Variants in MYOF observed in about 807,000 individuals in gnomAD.
The protein encoded by MYOF is fer-1-like 3, myoferlin.
A neutral mutation model predicts 284.2 loss-of-function variants in MYOF; 244 were observed. The observed-to-expected ratio is 0.86, with a 90% confidence interval of 0.77 to 0.95. The LOEUF is 0.95. MYOF is among the 40% of genes least tolerant of loss of function. The pLI is 0.00. For missense variants in MYOF, 2,496 were observed against 2,560.6 expected (o/e 0.97, Z 0.54); for synonymous variants, 904 against 919.7 (o/e 0.98, Z 0.31).
chr10:93,411,802 A>G (rs914754831), intron 5 of MYOF, among the ~76,000 whole-genome samples: 8 of 152,196 alleles, frequency 5.3e-5, no homozygotes, highest in Non-Finnish European at 1.0e-4. Flanking sequence ...CTCTTTGCCA[A>G]GCTCCGTGCC....
At position 93,378,693 on chromosome 10, in the gene MYOF, G is replaced by GTGTGTGTATATATATATATATATATATA; in HGVS notation, c.2001+1169_2001+1170insTATATATATATATATATATATACACACA. Among the ~76,000 whole-genome samples the GTGTGTGTATATATATATATATATATATA allele has an allele frequency of 1.9e-3, 169 of 87,770 alleles. 7 individuals are homozygous for GTGTGTGTATATATATATATATATATATA. The highest frequency in any genetic ancestry group is 0.011 in the East Asian group (13 of 1,226). The allele number at this position is 87,770 out of a possible 152,430, so 57.6% of individuals were successfully genotyped here. A position where few individuals can be genotyped will look rare whatever the true frequency, so the allele number is the denominator to read the frequency against. ...TATGTGTGTGTGTATGTGTGTGTGTGTATATATATATATATATATATATGT... is the reference window on the plus strand; with the variant it reads ...TATGTGTGTGTGTATGTGTGTGTGTGTGTGTGTATATATATATATATATATATATATATATATATATATATATATATGT... On this transcript the variant is annotated intron_variant, in intron 21 of 53. Coordinates refer to ENST00000359263, the MANE Select transcript of MYOF (RefSeq NM_013451.4).
At chr10:93,360,088 T>C in intron 28 of MYOF, 110 bp from the exon 29 acceptor site, 1 of 1,305,612 alleles carries the variant, frequency 7.7e-7, no homozygotes, top group Non-Finnish European at 1.1e-6. Flanking sequence ...TGTTCTGTAC[T>C]ATCATGACCG....
At chr10:93,448,054 G>A (rs538389533) in intron 3 of MYOF, among the ~76,000 whole-genome samples, 1 of 152,166 alleles carries the variant, frequency 6.6e-6, no homozygotes, top group South Asian at 2.1e-4. Flanking sequence ...ATATATTGTG[G>A]TTTCTCTGAC....
intron 41 of MYOF, among the ~76,000 whole-genome samples, chr10:93,334,238 A>G (rs2133819670): frequency 6.6e-6 from 1 of 152,206 alleles, no homozygotes; most frequent in East Asian, 1.9e-4. Flanking sequence ...AATAACAATA[A>G]TTACATTTTA....
chr10:93,395,777 A>C (rs2134062520), intron 16 of MYOF, among the ~76,000 whole-genome samples: 1 of 151,852 alleles, frequency 6.6e-6, no homozygotes, highest in Admixed American at 6.6e-5. Context: ...GGTCAATGCC[A>C]CTCTAAAAAA....
chr10:93,313,322 G>C, intron 50 of MYOF, 112 bp from the exon 51 acceptor site: 1 of 1,013,126 alleles, frequency 9.9e-7, no homozygotes, highest in Non-Finnish European at 1.4e-6. Flanking sequence ...TTTTGAACAG[G>C]TAAATGGTGA....
At position 93,397,229 on chromosome 10, in the gene MYOF, T is replaced by C. The variant is rs1847060562; in HGVS notation, c.1334+18A>G. ...TTTATTTTATGTTGAATTAGACACATACGTATTTTCAACTCACCAGTCATA... is the reference window on the plus strand; with the variant it reads ...TTTATTTTATGTTGAATTAGACACACACGTATTTTCAACTCACCAGTCATA... On this transcript the variant is annotated intron_variant, in intron 15 of 53. Coordinates refer to ENST00000359263, the MANE Select transcript of MYOF (RefSeq NM_013451.4). 1 of 1,546,200 alleles carries C rather than the reference T, an allele frequency of 6.5e-7. No individual in the cohort carries two copies. Among genetic ancestry groups the C allele is most frequent in the Non-Finnish European group, 8.9e-7 (1 of 1,123,920 alleles).
intron 21 of MYOF, among the ~76,000 whole-genome samples, chr10:93,378,691 G>GTATATATATATA (rs1375868034): frequency 2.6e-4 from 11 of 42,260 alleles, no homozygotes; most frequent in African/African-American, 8.4e-4. Flanking sequence ...ATGTGTGTGT[G>GTATATATATATA]TGTATATATA....
chr10:93,341,263 G>C lies in MYOF; in HGVS notation c.4327-1099C>G, dbSNP rs1046330176. Among the ~76,000 whole-genome samples the C allele has an allele frequency of 2.7e-5, 4 of 149,766 alleles. No homozygotes were observed. The Admixed American group carries it at 2.7e-4, about 10-fold the overall frequency. ...TCAAACCATTTCAAGGAAAATAATAGTTCATGATTTAAAAGGCTTTTTTTT... is the reference window on the plus strand; with the variant it reads ...TCAAACCATTTCAAGGAAAATAATACTTCATGATTTAAAAGGCTTTTTTTT... On this transcript the variant is annotated intron_variant, in intron 38 of 53. Coordinates refer to ENST00000359263, the MANE Select transcript of MYOF (RefSeq NM_013451.4).
intron 53 of MYOF, among the ~76,000 whole-genome samples, chr10:93,307,466 A>G (rs897818717): frequency 1.3e-5 from 2 of 151,548 alleles, no homozygotes; most frequent in Admixed American, 1.3e-4. Context: ...ATGCCCAGCT[A>G]ATTTTTTATA....
At chr10:93,355,185 AGGAT>A (rs1182855358) in intron 31 of MYOF, among the ~76,000 whole-genome samples, 1 of 152,248 alleles carries the variant, frequency 6.6e-6, no homozygotes, top group Non-Finnish European at 1.5e-5. Context: ...CCTTTCATCA[AGGAT>A]GAAAATGAAA....
intron 52 of MYOF, 121 bp from the exon 53 acceptor site, chr10:93,310,288 T>TCC: frequency 7.8e-7 from 1 of 1,274,288 alleles, no homozygotes; most frequent in Non-Finnish European, 1.1e-6. Context: ...AAAATACTGT[T>TCC]CCCCTTCGTT....
At chr10:93,407,516 G>A (rs1172081260) in intron 7 of MYOF, among the ~76,000 whole-genome samples, 1 of 149,152 alleles carries the variant, frequency 6.7e-6, no homozygotes, top group Non-Finnish European at 1.5e-5. Flanking sequence ...GGATGACGAG[G>A]TCAAGAGATC....
intron 3 of MYOF, among the ~76,000 whole-genome samples, chr10:93,433,657 G>A (rs965327633): frequency 1.3e-5 from 2 of 152,142 alleles, no homozygotes; most frequent in Non-Finnish European, 2.9e-5. Context: ...GTAACTCTGG[G>A]CTTTTGGGCA....
intron 1 of MYOF, among the ~76,000 whole-genome samples, chr10:93,468,013 T>C (rs2057052095): frequency 1.3e-5 from 2 of 152,200 alleles, no homozygotes; most frequent in Non-Finnish European, 2.9e-5. Context: ...TGCCCAGGAA[T>C]AATTCCTACC....
At position 93,333,202 on chromosome 10, in the gene MYOF, A is replaced by G. The variant is rs1325667571; in HGVS notation, c.4811+19T>C. Reference sequence around the variant, plus strand: ...GTGGAGAAATGAAGGCCAGAAAAACATTTAAGAATGTATATTACCTGCCAA... The same window carrying G: ...GTGGAGAAATGAAGGCCAGAAAAACGTTTAAGAATGTATATTACCTGCCAA... On this transcript the variant is annotated intron_variant, in intron 43 of 53. Coordinates refer to ENST00000359263, the MANE Select transcript of MYOF (RefSeq NM_013451.4). 6.2e-7 allele frequency: 1 copy of G among 1,602,566 alleles called. No homozygotes were observed. The highest frequency in any genetic ancestry group is 1.7e-5 in the Admixed American group (1 of 60,020).
intron 31 of MYOF, among the ~76,000 whole-genome samples, 153 bp downstream of exon 31, chr10:93,355,475 A>G (rs1844752890): frequency 6.6e-6 from 1 of 152,222 alleles, no homozygotes; most frequent in Admixed American, 6.5e-5. Flanking sequence ...AGTCCCAGCT[A>G]CTCAGGAGGC....
intron 17 of MYOF, among the ~76,000 whole-genome samples, chr10:93,390,060 G>C (rs528368514): frequency 2.6e-5 from 4 of 152,166 alleles, no homozygotes; most frequent in Admixed American, 2.6e-4. Context: ...TGAGGCAAAG[G>C]CTTCAGCCTA....
intron 32 of MYOF, among the ~76,000 whole-genome samples, chr10:93,352,685 C>T (rs1844577702): frequency 6.6e-6 from 1 of 152,198 alleles, no homozygotes; most frequent in African/African-American, 2.4e-5. Context: ...TGGTTTCTAG[C>T]AGTGGAGCCA....
Sources: allele counts gnomAD v4.1 joint callset (sites outside exome capture counted in the v4.1 genomes callset), GRCh38; gene constraint gnomAD v4.1.1; transcripts MANE v1.5; gene names NCBI Gene and HGNC (gene_info 2026-07-23, HGNC 2026-07-21).